The following HK1 variants were observed in gnomAD, a reference collection of about 807,000 sequenced individuals.
HK1 encodes the protein hexokinase 1, also known as hexokinase-1.
A neutral mutation model predicts 91.6 loss-of-function variants in HK1; 28 were observed. The ratio of observed to expected loss-of-function variants is 0.31; its 90% CI spans 0.23 to 0.42. The LOEUF (loss-of-function observed/expected upper bound fraction) is 0.42, where lower values mean the gene tolerates loss of function less well. HK1 is among the 10% of genes least tolerant of loss of function. The pLI, the probability that HK1 is intolerant of heterozygous loss-of-function variation, is 1.00. For missense variants in HK1, 770 were observed against 1,219.8 expected (o/e 0.63, Z 5.49); for synonymous variants, 430 against 468.1 (o/e 0.92, Z 1.05).
intron 7 of HK1, among the ~76,000 whole-genome samples, chr10:69,370,357 T>C (rs1203492649): frequency 6.6e-6 from 1 of 151,962 alleles, no homozygotes; most frequent in Non-Finnish European, 1.5e-5. Context: ...AATTATCCCC[T>C]GCTGCATGAA....
chr10:69,378,298 A>G lies in HK1; in HGVS notation c.1031+1209A>G, dbSNP rs572029701. On this transcript the variant is annotated intron_variant, in intron 8 of 17. Transcript: ENST00000359426. ...CTCAAGAAAGCATGTATATTATAAT[A>G]AAGGCTATCTCAAAAAAAAAAAAAC... is the stretch of plus-strand genomic sequence containing the variant. Among the ~76,000 whole-genome samples the G allele has an allele frequency of 2.3e-4, 34 of 150,920 alleles. No homozygotes were observed. In the South Asian group the frequency reaches 7.2e-3, roughly 32 times the overall value.
chr10:69,379,953 T>C lies in HK1; in HGVS notation c.1123T>C (p.Cys375Arg), dbSNP rs1184552909. The stretch of plus-strand genomic sequence containing the variant: ...TGACTGTGTCTCAGTCCAGCACGTT[T>C]GCACCATTGTCTCATTTCGCTCAGC... ...DDDCVSVQHV[C>R]TIVSFRSANL... Residue 375 changes from cysteine to arginine, a missense_variant, in exon 9 of 18, where the codon TGC (cysteine) becomes CGC (arginine). Cys to Arg is a radical substitution (Grantham distance 180). Around this residue, in one of 7 missense-constraint regions of HK1, gnomAD observed 449 missense variants for 665.1 expected, o/e 0.68. Coordinates refer to ENST00000359426, the MANE Select transcript of HK1 (RefSeq NM_000188.3). 6.2e-7 allele frequency: 1 copy of C among 1,614,206 alleles called. No homozygotes were observed. Among genetic ancestry groups the C allele is most frequent in the Non-Finnish European group, 8.5e-7 (1 of 1,180,034 alleles).
intron 4 of HK1, among the ~76,000 whole-genome samples, chr10:69,298,576 A>G (rs1189262479): frequency 6.6e-6 from 1 of 151,838 alleles, no homozygotes; most frequent in Non-Finnish European, 1.5e-5. Context: ...GCAGTGAGCT[A>G]TGATTTGTGC....
At chr10:69,270,802 G>A (rs1844117637) in intron 1 of HK1, among the ~76,000 whole-genome samples, 1 of 152,108 alleles carries the variant, frequency 6.6e-6, no homozygotes, top group African/African-American at 2.4e-5. Context: ...GCTGGAATGG[G>A]TGCTCCATGA....
At chr10:69,346,066 C>T (rs1848540012) in intron 2 of HK1, among the ~76,000 whole-genome samples, 2 of 148,640 alleles carry the variant, frequency 1.3e-5, no homozygotes, top group Non-Finnish European at 3.0e-5. Context: ...ACCCCCAGTC[C>T]ACTTCCTGCC....
Position 69,394,952 on chromosome 10 carries a change from A to G in HK1, c.2222A>G (p.Tyr741Cys). ...CCAGGCCCCTCCTCCTGTCTCAGGT[A>G]TGAGAAGATGATCAGTGGTATGTAC... ...EYSLNAGKQR[Y>C]EKMISGMYLG... The change falls in exon 16 of 18, where the codon TAT becomes TGT. Residue 741 changes from tyrosine (Y) to cysteine (C), a missense_variant and splice_region_variant. By Grantham distance (194) the Tyr-to-Cys change is radical. Around this residue, in one of 7 missense-constraint regions of HK1, gnomAD observed 152 missense variants for 211.1 expected, o/e 0.72. Coordinates refer to ENST00000359426, the MANE Select transcript of HK1 (RefSeq NM_000188.3). The G allele has an allele frequency of 6.2e-7, 1 of 1,614,076 alleles. No individual in the cohort carries two copies. Among genetic ancestry groups the G allele is most frequent in the Non-Finnish European group, 8.5e-7 (1 of 1,179,966 alleles).
At chr10:69,271,508 G>A (rs1298414252) in intron 1 of HK1, among the ~76,000 whole-genome samples, 2 of 139,262 alleles carry the variant, frequency 1.4e-5, no homozygotes, top group African/African-American at 2.7e-5. Context: ...ATGGAGTCTC[G>A]CTCTGTTGCC....
At chr10:69,290,779 C>T (rs75622631) in intron 3 of HK1, among the ~76,000 whole-genome samples, 8,135 of 152,226 alleles carry the variant, frequency 0.053, 291 homozygotes, top group South Asian at 0.13. Context: ...TGATTACAGG[C>T]GTGAACCTCT....
At chr10:69,396,977 G>A (rs10762293) in intron 16 of HK1, among the ~76,000 whole-genome samples, 59,711 of 152,082 alleles carry the variant, frequency 0.39, 12,342 homozygotes, top group African/African-American at 0.49. Context: ...GAGCCACCAC[G>A]CCCGGCCATA....
chr10:69,310,950 A>G (rs1846342210), upstream of HK1, among the ~76,000 whole-genome samples: 1 of 151,736 alleles, frequency 6.6e-6, no homozygotes, highest in Non-Finnish European at 1.5e-5. Context: ...CCAGCTACTC[A>G]GGGGGCTGAG....
intron 3 of HK1, among the ~76,000 whole-genome samples, chr10:69,294,316 C>A (rs1015509289): frequency 2.6e-5 from 4 of 152,110 alleles, no homozygotes; most frequent in African/African-American, 9.7e-5. Flanking sequence ...TTTTTGCAAA[C>A]AATTTACCAC....
chr10:69,299,107 T>C (rs923238787), intron 4 of HK1, among the ~76,000 whole-genome samples: 2 of 151,124 alleles, frequency 1.3e-5, no homozygotes, highest in East Asian at 3.9e-4. Context: ...GCCCGACCTA[T>C]GTTTTTATTT....
At chr10:69,355,017 C>T (rs1389244091) in intron 2 of HK1, among the ~76,000 whole-genome samples, 1 of 131,764 alleles carries the variant, frequency 7.6e-6, no homozygotes, top group Admixed American at 9.3e-5. Flanking sequence ...TGCAATGAGC[C>T]AAGATCACGC....
At chr10:69,392,070 G>T (rs922712508) in intron 14 of HK1, 55 bp from the exon 15 acceptor site, 1 of 1,599,640 alleles carries the variant, frequency 6.3e-7, no homozygotes, top group Admixed American at 1.7e-5. Context: ...AGGCCCAGTT[G>T]CAAGACCCCC....
chr10:69,315,884 C>A, upstream of HK1: 6 of 1,485,860 alleles, frequency 4.0e-6, no homozygotes, highest in Non-Finnish European at 5.6e-6. Context: ...CAACCTGACA[C>A]TGGGCAAGAT....
intron 2 of HK1, among the ~76,000 whole-genome samples, chr10:69,353,272 A>T (rs988103017): frequency 6.6e-6 from 1 of 152,180 alleles, no homozygotes; most frequent in Non-Finnish European, 1.5e-5. Flanking sequence ...ATCAATCGCA[A>T]CTGTGTAATG....
intron 1 of HK1, among the ~76,000 whole-genome samples, chr10:69,339,580 C>G (rs1321686660): frequency 6.6e-6 from 1 of 152,214 alleles, no homozygotes; most frequent in East Asian, 1.9e-4. Flanking sequence ...CTGCAGCCTG[C>G]TTTTTGATTT....
chr10:69,283,290 T>C (rs1464806081), intron 2 of HK1, among the ~76,000 whole-genome samples: 1 of 135,574 alleles, frequency 7.4e-6, no homozygotes, highest in African/African-American at 2.7e-5. Context: ...CTACCAAAAT[T>C]AAAAAAAAAA....
chr10:69,376,294 G>A (rs9299503), intron 7 of HK1, among the ~76,000 whole-genome samples: 69,854 of 151,808 alleles, frequency 0.46, 16,964 homozygotes, highest in East Asian at 0.8. Flanking sequence ...ATCTGGGAGG[G>A]TCGCTTGGGC....
Sources: gnomAD v4.1 joint callset for allele counts (sites outside exome capture counted in the v4.1 genomes callset) on GRCh38, gnomAD v4.1.1 for gene constraint, gnomAD v4.1.1 regional missense constraint, MANE v1.5 for transcripts, NCBI Gene and HGNC (gene_info 2026-07-23, HGNC 2026-07-21) for gene names.